Variants in SLC30A2 observed in about 807,000 individuals in gnomAD.
SLC30A2 encodes the protein solute carrier family 30 member 2, also known as proton-coupled zinc antiporter SLC30A2.
In SLC30A2, 19 loss-of-function variants were observed where a neutral mutation model predicts 39.6. The ratio of observed to expected loss-of-function variants is 0.48; its 90% confidence interval spans 0.34 to 0.70. The LOEUF is 0.70. SLC30A2 is among the 30% of genes least tolerant of loss of function. The pLI is 0.01. For missense variants in SLC30A2, 387 were observed against 479.4 expected, an observed-to-expected ratio of 0.81 and a Z score of 1.80; for synonymous variants, 195 against 194.8, an observed-to-expected ratio of 1.00 and a Z score of -0.01.
At chr1:26,040,223 A>G (rs148528125) in intron 6 of SLC30A2, among the ~76,000 whole-genome samples, 1 of 151,792 alleles carries the variant, frequency 6.6e-6, no homozygotes, top group Non-Finnish European at 1.5e-5. Flanking sequence ...AACAGCACCT[A>G]CTCCATAGTA....
Position 26,037,336 on chromosome 1 carries a change from C to G in SLC30A2, c.*1824G>C. Reference sequence around the variant, plus strand: ...GCAACCTCTGCCTCCCCGGTTCAAGCGATTCTCCTGCCTCAGCCTCCCGAG... The same window carrying G: ...GCAACCTCTGCCTCCCCGGTTCAAGGGATTCTCCTGCCTCAGCCTCCCGAG... On this transcript the variant is annotated 3_prime_UTR_variant, in exon 8 of 8. Coordinates refer to ENST00000374276, the MANE Select transcript of SLC30A2 (RefSeq NM_001004434.3). 6.6e-6 allele frequency: 1 copy of G among 150,376 alleles called. No homozygotes were observed. Among genetic ancestry groups the G allele is most frequent in the Non-Finnish European group, 1.5e-5 (1 of 67,946 alleles). The allele number at this position is 150,376 out of a possible 1,614,324, so 9.3% of individuals were successfully genotyped here.
Position 26,039,991 on chromosome 1 carries a change from T to G in SLC30A2, c.839-80A>C. The G allele has an allele frequency of 1.3e-6, 2 of 1,516,250 alleles. No homozygotes were observed. Among genetic ancestry groups the G allele is most frequent in the Non-Finnish European group, 1.8e-6 (2 of 1,101,602 alleles). 93.9% of individuals were successfully genotyped at this position (1,516,250 alleles called of 1,614,324 possible). A position where few individuals can be genotyped will look rare whatever the true frequency, so the allele number is the denominator to read the frequency against. On this transcript the variant is annotated intron_variant, in intron 6 of 7. Coordinates refer to ENST00000374276, the MANE Select transcript of SLC30A2 (RefSeq NM_001004434.3). The surrounding 1 kb of genome is among the most constrained non-coding windows in gnomAD (Gnocchi z 4.3). ...CCATTGGTGCAGGGCTGGCTCCTGA[T>G]CCTCAGGTGTCATCCCCTCAAAGAA...
chr1:26,044,524 T>C, intron 2 of SLC30A2, 80 bp from the exon 3 acceptor site: 1 of 1,386,756 alleles, frequency 7.2e-7, no homozygotes. Context: ...GACCACAGGC[T>C]CTGGAAGAGG....
chr1:26,044,961 G>T, intron 2 of SLC30A2, 36 bp downstream of exon 2: 2 of 1,551,830 alleles, frequency 1.3e-6, no homozygotes, highest in Non-Finnish European at 1.8e-6. Flanking sequence ...GTCTATCCAT[G>T]CACCAACTTC....
At chr1:26,042,855 T>C in intron 4 of SLC30A2, 147 bp from the exon 5 acceptor site, 1 of 679,480 alleles carries the variant, frequency 1.5e-6, no homozygotes, top group Non-Finnish European at 2.5e-6. Context: ...CCACGTGGCC[T>C]TGGTTCAGAC....
intron 6 of SLC30A2, among the ~76,000 whole-genome samples, chr1:26,040,824 G>A (rs2050387373): frequency 6.6e-6 from 1 of 152,022 alleles, no homozygotes; most frequent in African/African-American, 2.4e-5. Context: ...AGGTGTGGTG[G>A]CTCACATCTG....
intron 4 of SLC30A2, 78 bp from the exon 5 acceptor site, chr1:26,042,786 G>A (rs2124424103): frequency 7.3e-7 from 1 of 1,369,296 alleles, no homozygotes; most frequent in South Asian, 1.2e-5. Context: ...CCAACTTGTA[G>A]GGCAAAAATC....
In SLC30A2 at chr1:26,042,448, C is replaced by G; in HGVS notation, c.732+101G>C. 2.8e-6 allele frequency: 3 copies of G among 1,073,880 alleles called. No individual in the cohort carries two copies. The South Asian group carries it at 4.5e-5, about 16-fold the overall frequency. The allele number at this position is 1,073,880 out of a possible 1,614,324, so 66.5% of individuals were successfully genotyped here. A position where few individuals can be genotyped will look rare whatever the true frequency, so the allele number is the denominator to read the frequency against. ...CCTCTCCCCACCCTTTTCCCTAGAA[C>G]TGGGAGGGAGCTAGAATCTGAAAAG... On this transcript the variant is annotated intron_variant, in intron 5 of 7. Coordinates refer to ENST00000374276, the MANE Select transcript of SLC30A2 (RefSeq NM_001004434.3).
intron 5 of SLC30A2, among the ~76,000 whole-genome samples, chr1:26,042,019 C>T (rs1377690771): frequency 6.6e-6 from 1 of 152,206 alleles, no homozygotes; most frequent in African/African-American, 2.4e-5. Context: ...AGTCCCTTCC[C>T]ACCCCTCCTT....
In SLC30A2 at chr1:26,039,910, C is replaced by A; in HGVS notation, c.840G>T (p.Gly280=). 3 of 1,613,990 alleles carry A rather than the reference C, an allele frequency of 1.9e-6. No individual in the cohort carries two copies. Among genetic ancestry groups the A allele is most frequent in the South Asian group, 1.1e-5 (1 of 91,068 alleles). Residue 280 remains glycine (G), a splice_region_variant and synonymous_variant, in exon 7 of 8, where the codon GGG becomes GGT. Transcript: ENST00000374276. The surrounding 1 kb of genome is among the most constrained non-coding windows in gnomAD (Gnocchi z 4.3). The part of the protein sequence containing the change: ...LRDVILVLME[G]TPKGVDFTAV... ...CTGTGAAGTCAACGCCCTTGGGGGTCCCTGAGGACGGCAAGGACAGGGGAA... is the reference window on the plus strand; with the variant it reads ...CTGTGAAGTCAACGCCCTTGGGGGTACCTGAGGACGGCAAGGACAGGGGAA...
rs1320665061 is a variant in SLC30A2 at position 26,037,644 on chromosome 1, G to C, written c.*1516C>G. The C allele has an allele frequency of 1.3e-5, 2 of 152,192 alleles. No individual in the cohort carries two copies. Among genetic ancestry groups the C allele is most frequent in the Non-Finnish European group, 2.9e-5 (2 of 68,116 alleles). The allele number at this position is 152,192 out of a possible 1,614,324, so 9.4% of individuals were successfully genotyped here. ...GGGGGTGGGGAGTTGGGTAGGGGAG[G>C]TTGAGTCCCCTGAGATTGTGGTGGA... On this transcript the variant is annotated 3_prime_UTR_variant, in exon 8 of 8. Transcript: ENST00000374276.
Position 26,043,480 on chromosome 1 carries a change from C to T in SLC30A2, c.490G>A (p.Glu164Lys), listed in dbSNP as rs199594277. ...VTGVLVYLAV[E>K]RLISGDYEID... ...TCATAGTCCCCAGAGATCAGCCGCTCCACAGCCAGGTACACCAGTACCCCC... is the reference window on the plus strand; with the variant it reads ...TCATAGTCCCCAGAGATCAGCCGCTTCACAGCCAGGTACACCAGTACCCCC... The change falls in exon 4 of 8, where the codon GAG becomes AAG. Residue 164 changes from glutamate (E) to lysine (K), a missense_variant. By Grantham distance (56) the Glu-to-Lys change is moderately conservative. Coordinates refer to ENST00000374276, the MANE Select transcript of SLC30A2 (RefSeq NM_001004434.3). The T allele has an allele frequency of 1.8e-5, 29 of 1,614,152 alleles. No homozygotes were observed. The East Asian group carries it at 5.3e-4, about 30-fold the overall frequency.
rs377123650 is a variant in SLC30A2 at position 26,045,940 on chromosome 1, G to C, written c.-44C>G. 6.2e-7 allele frequency: 1 copy of C among 1,603,270 alleles called. No homozygotes were observed. The highest frequency in any genetic ancestry group is 1.3e-5 in the African/African-American group (1 of 74,576). On this transcript the variant is annotated 5_prime_UTR_variant, in exon 1 of 8. Coordinates refer to ENST00000374276, the MANE Select transcript of SLC30A2 (RefSeq NM_001004434.3). Reference sequence around the variant, plus strand: ...CCGGCAGCCGCGCAGCCGCCCCGCCGAGTGCGCCCTGAAAGTTGCGCGCGG... The same window carrying C: ...CCGGCAGCCGCGCAGCCGCCCCGCCCAGTGCGCCCTGAAAGTTGCGCGCGG...
rs781629255 is a variant in SLC30A2, at chr1:26,045,209, G to A, written c.59C>T (p.Thr20Met). ...AGCCCCTTCCTGCCACAGAGATCCC[G>A]TGTATGACCTGGCCAGAGGGGAAGA... ...LDARPAIRSYTGSLWQEGAGW... is the reference protein window; with the variant it reads ...LDARPAIRSYMGSLWQEGAGW... Residue 20 changes from threonine to methionine, a missense_variant, in exon 2 of 8, where the codon ACG (threonine) becomes ATG (methionine). Transcript: ENST00000374276. The A allele has an allele frequency of 6.2e-7, 1 of 1,611,048 alleles. No individual in the cohort carries two copies. Among genetic ancestry groups the A allele is most frequent in the Non-Finnish European group, 8.5e-7 (1 of 1,179,006 alleles).
In SLC30A2 at chr1:26,042,421, T is replaced by C. The variant is rs1569701272; in HGVS notation, c.732+128A>G. 11 of 835,688 alleles carry C rather than the reference T, an allele frequency of 1.3e-5. No homozygotes were observed. The East Asian group carries it at 2.7e-4, about 20-fold the overall frequency. 51.8% of individuals were successfully genotyped at this position (835,688 alleles called of 1,614,324 possible). A position where few individuals can be genotyped will look rare whatever the true frequency, so the allele number is the denominator to read the frequency against. ...TGGTAGGTATTGGATAAATGTTCCTTTCCTCTCCCCACCCTTTTCCCTAGA... is the reference window on the plus strand; with the variant it reads ...TGGTAGGTATTGGATAAATGTTCCTCTCCTCTCCCCACCCTTTTCCCTAGA... On this transcript the variant is annotated intron_variant, in intron 5 of 7. Coordinates refer to ENST00000374276, the MANE Select transcript of SLC30A2 (RefSeq NM_001004434.3).
intron 1 of SLC30A2, 191 bp from the exon 2 acceptor site, chr1:26,045,408 G>C: frequency 1.6e-6 from 1 of 614,662 alleles, no homozygotes; most frequent in Non-Finnish European, 2.8e-6. Flanking sequence ...CCTGGGGCCC[G>C]GGGCCCTTCA....
At chr1:26,044,918 G>A (rs2050442462) in intron 2 of SLC30A2, 79 bp downstream of exon 2, 1 of 1,159,604 alleles carries the variant, frequency 8.6e-7, no homozygotes, top group African/African-American at 1.5e-5. Flanking sequence ...CAGTAATTGG[G>A]GCTTTTAGTG....
intron 4 of SLC30A2, among the ~76,000 whole-genome samples, chr1:26,043,026 A>G (rs2050416126): frequency 6.6e-6 from 1 of 152,202 alleles, no homozygotes; most frequent in South Asian, 2.1e-4. Context: ...AAAGACCCCG[A>G]AAGAGACACC....
rs2050374730 is a variant in SLC30A2, at chr1:26,039,505, G to A, written c.974-200C>T. Among the ~76,000 whole-genome samples, 1 of 152,250 alleles carries A rather than the reference G, an allele frequency of 6.6e-6. No individual in the cohort carries two copies. The highest frequency in any genetic ancestry group is 6.5e-5 in the Admixed American group (1 of 15,294). ...TGCCTGAAAGAGCTGGTAAAGCACT[G>A]GCCTTAAGGCCAGGAATCTGCCACC... On this transcript the variant is annotated intron_variant, in intron 7 of 7. Coordinates refer to ENST00000374276, the MANE Select transcript of SLC30A2 (RefSeq NM_001004434.3). This position sits in a 1 kb window ranked among gnomAD's most constrained non-coding sequence, Gnocchi z 4.3.
Sources: allele counts gnomAD v4.1 joint callset (sites outside exome capture counted in the v4.1 genomes callset), GRCh38; gene constraint gnomAD v4.1.1; non-coding constraint Gnocchi (gnomAD v3.1); transcripts MANE v1.5; gene names NCBI Gene and HGNC (gene_info 2026-07-23, HGNC 2026-07-21).